SLC24A3: variants seen among roughly 807,000 people sequenced by gnomAD.
SLC24A3 encodes the protein solute carrier family 24 member 3, also known as sodium/potassium/calcium exchanger 3.
A neutral mutation model predicts 75.8 loss-of-function variants in SLC24A3; 28 were observed. The ratio of observed to expected loss-of-function variants is 0.37; its 90% confidence interval spans 0.27 to 0.51. The LOEUF is 0.51. Ranked by LOEUF, SLC24A3 falls within the 20% of genes least tolerant of loss-of-function variation. The probability of loss-of-function intolerance (pLI) is 0.94; values close to 1 mark genes in which losing one functional copy is unlikely to be tolerated. For synonymous variants in SLC24A3, 372 were observed against 334.1 expected, an observed-to-expected ratio of 1.11 and a Z score of -1.24; for missense variants, 663 against 847.8, an observed-to-expected ratio of 0.78 and a Z score of 2.71.
At chr20:19,705,150 A>G in intron 15 of SLC24A3, among the ~76,000 whole-genome samples, 1 of 152,302 alleles carries the variant, frequency 6.6e-6, no homozygotes, top group Middle Eastern at 3.4e-3. Context: ...TCAACTTTAT[A>G]TAAAGAAGTG....
intron 6 of SLC24A3, among the ~76,000 whole-genome samples, chr20:19,622,943 A>G (rs1044645018): frequency 6.6e-5 from 10 of 152,154 alleles, no homozygotes; most frequent in Non-Finnish European, 1.2e-4. Context: ...CTCTTTAAAC[A>G]GTCAGCTCTC....
chr20:19,223,333 T>G (rs1183771425), intron 1 of SLC24A3, among the ~76,000 whole-genome samples: 1 of 152,166 alleles, frequency 6.6e-6, no homozygotes, highest in Non-Finnish European at 1.5e-5. Flanking sequence ...GAGACATCTC[T>G]TACACATTTT....
chr20:19,624,207 C>T (rs1413821504), intron 6 of SLC24A3, among the ~76,000 whole-genome samples: 2 of 152,182 alleles, frequency 1.3e-5, no homozygotes, highest in South Asian at 2.1e-4. Flanking sequence ...TTTGATTGGA[C>T]TCCCTGCTTG....
intron 8 of SLC24A3, among the ~76,000 whole-genome samples, chr20:19,670,886 TG>T (rs1331315672): frequency 3.3e-5 from 5 of 152,048 alleles, no homozygotes; most frequent in African/African-American, 9.7e-5. Context: ...GACCTGGGGG[TG>T]TCTGCGTGGG....
chr20:19,676,149 G>C lies in SLC24A3; in HGVS notation c.767+2495G>C, dbSNP rs1308290421. On this transcript the variant is annotated intron_variant, in intron 9 of 16. Coordinates refer to ENST00000328041, the MANE Select transcript of SLC24A3 (RefSeq NM_020689.4). Reference sequence around the variant, plus strand: ...TTCTTCAAAAACAGATGTGGCCAGAGAGAAGAAGACTTGAGGAATTTTGCT... The same window carrying C: ...TTCTTCAAAAACAGATGTGGCCAGACAGAAGAAGACTTGAGGAATTTTGCT... 3.3e-5 allele frequency among the ~76,000 whole-genome samples: 5 copies of C among 152,318 alleles called. 1 individual carries two copies. In the East Asian group the frequency reaches 9.6e-4, roughly 29 times the overall value.
intron 6 of SLC24A3, among the ~76,000 whole-genome samples, chr20:19,587,624 T>G (rs562288066): frequency 6.6e-6 from 1 of 152,306 alleles, no homozygotes; most frequent in East Asian, 1.9e-4. Context: ...TTCAAGTCTT[T>G]GCAGAGGAAG....
chr20:19,708,854 T>C (rs1051136688), intron 15 of SLC24A3, among the ~76,000 whole-genome samples: 7 of 152,246 alleles, frequency 4.6e-5, no homozygotes, highest in African/African-American at 1.2e-4. Flanking sequence ...TTAGGAAAAT[T>C]AGGTGATGCC....
At chr20:19,438,358 G>A (rs564406687) in intron 2 of SLC24A3, among the ~76,000 whole-genome samples, 6 of 152,294 alleles carry the variant, frequency 3.9e-5, no homozygotes, top group Non-Finnish European at 8.8e-5. Flanking sequence ...TATAAAGATG[G>A]TCTTAGAGAT....
At chr20:19,496,974 A>G (rs1988298794) in intron 2 of SLC24A3, among the ~76,000 whole-genome samples, 1 of 152,206 alleles carries the variant, frequency 6.6e-6, no homozygotes, top group Non-Finnish European at 1.5e-5. Context: ...TGCAAGCCCC[A>G]GTATCAACTC....
At chr20:19,477,555 G>A (rs1296669665) in intron 2 of SLC24A3, among the ~76,000 whole-genome samples, 2 of 152,180 alleles carry the variant, frequency 1.3e-5, no homozygotes, top group Non-Finnish European at 2.9e-5. Context: ...ACTCAACAGA[G>A]AGAGATCAGT....
chr20:19,559,067 T>C (rs1042694545), intron 3 of SLC24A3, among the ~76,000 whole-genome samples: 1 of 152,240 alleles, frequency 6.6e-6, no homozygotes, highest in Non-Finnish European at 1.5e-5. Context: ...AACATGGCTT[T>C]ACCTTTCACA....
chr20:19,455,016 C>T (rs1987554687), intron 2 of SLC24A3, among the ~76,000 whole-genome samples: 1 of 152,078 alleles, frequency 6.6e-6, no homozygotes, highest in African/African-American at 2.4e-5. Flanking sequence ...GTCTCTTGTT[C>T]TATGTCTTTT....
chr20:19,377,603 A>T (rs1336385184), intron 2 of SLC24A3, among the ~76,000 whole-genome samples: 1 of 152,192 alleles, frequency 6.6e-6, no homozygotes, highest in Non-Finnish European at 1.5e-5. Flanking sequence ...ACATTTTTCA[A>T]AATCTGTTGA....
At chr20:19,658,184 C>T (rs1361937818) in intron 7 of SLC24A3, among the ~76,000 whole-genome samples, 1 of 152,160 alleles carries the variant, frequency 6.6e-6, no homozygotes, top group African/African-American at 2.4e-5. Context: ...TGGAGACAAA[C>T]CATGGGGCCT....
intron 2 of SLC24A3, among the ~76,000 whole-genome samples, chr20:19,368,670 A>G (rs1985939695): frequency 6.6e-6 from 1 of 152,246 alleles, no homozygotes; most frequent in Non-Finnish European, 1.5e-5. Context: ...TGGGGCAGGC[A>G]GCCATGACAA....
At chr20:19,313,775 G>A (rs909246438) in intron 2 of SLC24A3, among the ~76,000 whole-genome samples, 1 of 152,196 alleles carries the variant, frequency 6.6e-6, no homozygotes, top group African/African-American at 2.4e-5. Flanking sequence ...GTGATATGGG[G>A]CAAGTTTCTC....
At chr20:19,508,062 G>A (rs559440597) in intron 2 of SLC24A3, among the ~76,000 whole-genome samples, 4 of 152,298 alleles carry the variant, frequency 2.6e-5, no homozygotes, top group African/African-American at 7.2e-5. Flanking sequence ...TGAGCACTGG[G>A]ACAATGCAAC....
At chr20:19,488,365 A>G (rs981517139) in intron 2 of SLC24A3, among the ~76,000 whole-genome samples, 1 of 152,190 alleles carries the variant, frequency 6.6e-6, no homozygotes, top group Non-Finnish European at 1.5e-5. Context: ...ACACGTTAGG[A>G]TGGGAATCCT....
chr20:19,386,767 T>C (rs75885419), intron 2 of SLC24A3, among the ~76,000 whole-genome samples: 1,884 of 152,134 alleles, frequency 0.012, 38 homozygotes, highest in African/African-American at 0.04. Flanking sequence ...TAAATCCCAC[T>C]TGGTCATATT....
Sources: gnomAD v4.1 joint callset for allele counts (sites outside exome capture counted in the v4.1 genomes callset) on GRCh38, gnomAD v4.1.1 for gene constraint, MANE v1.5 for transcripts, NCBI Gene and HGNC (gene_info 2026-07-23, HGNC 2026-07-21) for gene names.